The following DGKH variants were observed in gnomAD, a reference collection of about 807,000 sequenced individuals.
The protein encoded by DGKH is DAG kinase eta.
Under a neutral mutation model 159.3 loss-of-function variants are expected in DGKH, and 90 were observed. That is an observed-to-expected ratio of 0.57 (90% confidence interval 0.48 to 0.67). DGKH has a LOEUF of 0.67. Ranked by LOEUF, DGKH falls within the 30% of genes least tolerant of loss-of-function variation. The probability of loss-of-function intolerance (pLI) is 0.00; values close to 1 mark genes in which losing one functional copy is unlikely to be tolerated. For missense variants in DGKH, 1,181 were observed against 1,506.1 expected (o/e 0.78, Z 3.57); for synonymous variants, 536 against 553.8 (o/e 0.97, Z 0.45).
chr13:42,246,580 G>A (rs1958581953), downstream of DGKH, among the ~76,000 whole-genome samples: 1 of 152,096 alleles, frequency 6.6e-6, no homozygotes, highest in Non-Finnish European at 1.5e-5. Context: ...CTTGGAGTTG[G>A]GTCTACTTCT....
chr13:42,094,043 A>G (rs1954474229), intron 1 of DGKH, among the ~76,000 whole-genome samples: 1 of 149,576 alleles, frequency 6.7e-6, no homozygotes, highest in Non-Finnish European at 1.5e-5. Context: ...CAGAAATTGT[A>G]TAACAATGAT....
At chr13:42,213,233 G>C (rs547729746) in intron 24 of DGKH, among the ~76,000 whole-genome samples, 1 of 152,174 alleles carries the variant, frequency 6.6e-6, no homozygotes, top group Non-Finnish European at 1.5e-5. Flanking sequence ...CAAGATTAAA[G>C]ACAGTTTAGG....
At position 42,234,965 on chromosome 13, in the gene DGKH, C is replaced by G. The variant is rs1405218409; in HGVS notation, c.*5777C>G. The G allele has an allele frequency of 3.3e-5, 5 of 152,148 alleles. No individual in the cohort carries two copies. Among genetic ancestry groups the G allele is most frequent in the African/African-American group, 1.2e-4 (5 of 41,450 alleles). 9.4% of individuals were successfully genotyped at this position (152,148 alleles called of 1,614,324 possible). The stretch of plus-strand genomic sequence containing the variant: ...ACACAAAGCATTAATTTTTTCTTAT[C>G]TTATTTTCTCTTTATTATTTCTTTC... On this transcript the variant is annotated 3_prime_UTR_variant, in exon 30 of 30. Coordinates refer to ENST00000337343, the MANE Select transcript of DGKH (RefSeq NM_178009.5).
At chr13:42,219,131 G>A (rs1024877187) in intron 26 of DGKH, 99 bp from the exon 27 acceptor site, 1 of 1,419,730 alleles carries the variant, frequency 7.0e-7, no homozygotes, top group Non-Finnish European at 9.4e-7. Flanking sequence ...ACCTTAATAA[G>A]GAGTGAGGCT....
chr13:42,122,034 C>T (rs1384002315), intron 1 of DGKH, among the ~76,000 whole-genome samples: 2 of 152,080 alleles, frequency 1.3e-5, no homozygotes, highest in African/African-American at 4.8e-5. Context: ...AAAAATTTTC[C>T]CCACTACCCC....
intron 8 of DGKH, among the ~76,000 whole-genome samples, chr13:42,166,067 G>C (rs1956306681): frequency 6.6e-6 from 1 of 152,040 alleles, no homozygotes; most frequent in Non-Finnish European, 1.5e-5. Flanking sequence ...AGGGAGGACT[G>C]TACTATTATT....
intron 13 of DGKH, 83 bp downstream of exon 13, chr13:42,178,303 G>A (rs761658668): frequency 1.6e-5 from 17 of 1,052,904 alleles, no homozygotes; most frequent in Non-Finnish European, 2.1e-5. Context: ...TTCTTTGTGA[G>A]TTTTCTTCTC....
intron 1 of DGKH, among the ~76,000 whole-genome samples, chr13:42,110,597 C>CATTCATTCATTCATTCATTCATTCATTT (rs1377339957): frequency 1.3e-5 from 2 of 152,130 alleles, no homozygotes; most frequent in Non-Finnish European, 2.9e-5. Context: ...ATCATTCATT[C>CATTCATTCATTCATTCATTCATTCATTT]ATTCATTCAT....
intron 13 of DGKH, among the ~76,000 whole-genome samples, chr13:42,184,764 G>T (rs1956866193): frequency 6.6e-6 from 1 of 151,988 alleles, no homozygotes; most frequent in Admixed American, 6.6e-5. Flanking sequence ...CTACTCAGGA[G>T]GCTAAGCTGG....
chr13:42,091,938 G>T (rs558555419), intron 1 of DGKH, among the ~76,000 whole-genome samples: 23 of 152,298 alleles, frequency 1.5e-4, no homozygotes, highest in African/African-American at 5.3e-4. Context: ...TGCTGGGATT[G>T]TTGGATCATA....
chr13:42,210,575 A>G (rs1957628492), intron 23 of DGKH, 27 bp from the exon 24 acceptor site: 4 of 1,602,176 alleles, frequency 2.5e-6, no homozygotes, highest in Non-Finnish European at 3.4e-6. Flanking sequence ...TAAACTAACA[A>G]TTCGTTACAA....
intron 1 of DGKH, among the ~76,000 whole-genome samples, chr13:42,102,225 C>A (rs532973006): frequency 6.6e-5 from 10 of 152,346 alleles, no homozygotes; most frequent in South Asian, 2.1e-4. Context: ...AACCTACTAA[C>A]CCTGAACTAG....
At chr13:42,092,176 A>T (rs1954431254) in intron 1 of DGKH, among the ~76,000 whole-genome samples, 1 of 152,230 alleles carries the variant, frequency 6.6e-6, no homozygotes, top group South Asian at 2.1e-4. Flanking sequence ...TATGGAAAGT[A>T]GTAGAAGGTT....
downstream of DGKH, among the ~76,000 whole-genome samples, chr13:42,244,396 G>A (rs539308833): frequency 1.3e-5 from 2 of 152,314 alleles, no homozygotes; most frequent in African/African-American, 4.8e-5. Context: ...GCCTCTGCCA[G>A]GGTGAGAACC....
chr13:42,174,181 G>A (rs757140300), intron 12 of DGKH, 37 bp downstream of exon 12: 1 of 1,475,480 alleles, frequency 6.8e-7, no homozygotes, highest in African/African-American at 1.4e-5. Flanking sequence ...TTGAAATGGG[G>A]GTGGATATCT....
At chr13:42,062,087 A>AC (rs1359237290) in intron 1 of DGKH, among the ~76,000 whole-genome samples, 1 of 152,034 alleles carries the variant, frequency 6.6e-6, no homozygotes, top group Non-Finnish European at 1.5e-5. Context: ...TAGTGAAGTG[A>AC]CAGAAGCTAT....
intron 1 of DGKH, among the ~76,000 whole-genome samples, chr13:42,068,090 A>G (rs778800608): frequency 6.6e-6 from 1 of 152,184 alleles, no homozygotes; most frequent in African/African-American, 2.4e-5. Context: ...ACAAATTCCT[A>G]TACACAGTGA....
intron 16 of DGKH, among the ~76,000 whole-genome samples, chr13:42,191,317 G>A (rs1957058728): frequency 6.6e-6 from 1 of 152,052 alleles, no homozygotes; most frequent in Non-Finnish European, 1.5e-5. Flanking sequence ...GCAGTCATTG[G>A]GGGCAATAGA....
chr13:42,182,466 A>G (rs575942910), intron 13 of DGKH, among the ~76,000 whole-genome samples: 1 of 152,174 alleles, frequency 6.6e-6, no homozygotes, highest in Non-Finnish European at 1.5e-5. Context: ...TAGGTACTCA[A>G]GTCCCTCATA....
Sources: gnomAD v4.1 joint callset for allele counts (sites outside exome capture counted in the v4.1 genomes callset) on GRCh38, gnomAD v4.1.1 for gene constraint, MANE v1.5 for transcripts, NCBI Gene and HGNC (gene_info 2026-07-23, HGNC 2026-07-21) for gene names.